CNTNAP5: variants seen among roughly 807,000 people sequenced by gnomAD.
CNTNAP5 encodes the protein contactin associated protein family member 5, also known as contactin-associated protein-like 5.
A neutral mutation model predicts 150.2 loss-of-function variants in CNTNAP5; 72 were observed. The observed-to-expected ratio is 0.48, with a 90% CI of 0.40 to 0.58. CNTNAP5 has a LOEUF of 0.58. CNTNAP5 is among the 20% of genes least tolerant of loss of function. The pLI, the probability that CNTNAP5 is intolerant of heterozygous loss-of-function variation, is 0.00. For synonymous variants in CNTNAP5, 672 were observed against 619.8 expected (o/e 1.08, Z -1.25); for missense variants, 1,636 against 1,626.2 (o/e 1.01, Z -0.10).
chr2:124,102,816 G>T (rs1487587562), intron 1 of CNTNAP5, among the ~76,000 whole-genome samples: 1 of 152,178 alleles, frequency 6.6e-6, no homozygotes, highest in Non-Finnish European at 1.5e-5. Flanking sequence ...GAGGATAAAT[G>T]AGCTGAATCA....
At chr2:124,245,028 A>AT (rs914464107) in intron 3 of CNTNAP5, among the ~76,000 whole-genome samples, 36 of 152,042 alleles carry the variant, frequency 2.4e-4, no homozygotes, top group African/African-American at 8.5e-4. Flanking sequence ...ACACTGATTT[A>AT]TTTTTTATTT....
intron 12 of CNTNAP5, among the ~76,000 whole-genome samples, chr2:124,611,517 T>C (rs191024697): frequency 2.0e-5 from 3 of 152,358 alleles, no homozygotes; most frequent in South Asian, 4.1e-4. Context: ...TGTCTTTTCA[T>C]GGTTGTGGTA....
chr2:124,401,807 G>A (rs984221739), intron 3 of CNTNAP5, among the ~76,000 whole-genome samples: 2 of 152,300 alleles, frequency 1.3e-5, no homozygotes, highest in East Asian at 1.9e-4. Context: ...TGAGGGTAGC[G>A]ATGCAGTAGC....
chr2:124,847,119 C>T (rs147922332), intron 19 of CNTNAP5, among the ~76,000 whole-genome samples: 196 of 152,274 alleles, frequency 1.3e-3, no homozygotes, highest in African/African-American at 4.6e-3. Context: ...GCATTCTTGC[C>T]TTAGGAACAC....
At chr2:124,630,817 A>G (rs1315904653) in intron 12 of CNTNAP5, among the ~76,000 whole-genome samples, 1 of 152,166 alleles carries the variant, frequency 6.6e-6, no homozygotes, top group East Asian at 1.9e-4. Context: ...TCCTGTATCT[A>G]GAAAACCCCA....
At chr2:124,855,758 GGT>G (rs1442884148) in intron 19 of CNTNAP5, among the ~76,000 whole-genome samples, 1 of 151,948 alleles carries the variant, frequency 6.6e-6, no homozygotes, top group Non-Finnish European at 1.5e-5. Flanking sequence ...GTTGGTATTT[GGT>G]TACATGAATA....
intron 3 of CNTNAP5, among the ~76,000 whole-genome samples, chr2:124,388,801 C>T (rs1573960896): frequency 2.0e-5 from 3 of 152,134 alleles, no homozygotes; most frequent in African/African-American, 4.8e-5. Context: ...CTGCCTCTGC[C>T]TCCCGAGTAG....
At chr2:124,832,015 AT>A (rs1271845458) in intron 19 of CNTNAP5, among the ~76,000 whole-genome samples, 3 of 152,044 alleles carry the variant, frequency 2.0e-5, no homozygotes, top group African/African-American at 7.2e-5. Flanking sequence ...TAAACCAACA[AT>A]ATTAAATTAG....
intron 13 of CNTNAP5, among the ~76,000 whole-genome samples, chr2:124,729,095 T>A (rs1680217604): frequency 6.6e-6 from 1 of 152,014 alleles, no homozygotes; most frequent in Non-Finnish European, 1.5e-5. Flanking sequence ...GTATCCCACC[T>A]GAGAAGTCAT....
At chr2:124,617,088 T>A (rs1057307638) in intron 12 of CNTNAP5, among the ~76,000 whole-genome samples, 1 of 151,850 alleles carries the variant, frequency 6.6e-6, no homozygotes, top group African/African-American at 2.4e-5. Context: ...ATAATAACGA[T>A]AATTATAATA....
At chr2:124,543,422 G>C (rs544786748) in intron 10 of CNTNAP5, among the ~76,000 whole-genome samples, 2 of 152,272 alleles carry the variant, frequency 1.3e-5, no homozygotes, top group Non-Finnish European at 2.9e-5. Context: ...AAGATCTGCT[G>C]AGTGTACCCT....
At chr2:124,194,109 T>C (rs1685519553) in intron 1 of CNTNAP5, among the ~76,000 whole-genome samples, 1 of 152,068 alleles carries the variant, frequency 6.6e-6, no homozygotes, top group African/African-American at 2.4e-5. Flanking sequence ...CAGAGCCCTT[T>C]ATGGGATCCA....
At chr2:124,481,453 T>C (rs1231052408) in intron 7 of CNTNAP5, among the ~76,000 whole-genome samples, 2 of 152,180 alleles carry the variant, frequency 1.3e-5, no homozygotes, top group African/African-American at 4.8e-5. Flanking sequence ...TCTGATAAAA[T>C]TATTATGTAA....
chr2:124,302,005 C>A (rs991151093), intron 3 of CNTNAP5, among the ~76,000 whole-genome samples: 9 of 152,116 alleles, frequency 5.9e-5, no homozygotes, highest in Admixed American at 5.9e-4. Context: ...GGACTGATGT[C>A]TTTGTAAGAA....
rs780455795 is a variant in CNTNAP5 at position 124,434,581 on chromosome 2, C to T, written c.627C>T (p.Phe209=). 39 of 1,613,940 alleles carry T rather than the reference C, an allele frequency of 2.4e-5. No individual in the cohort carries two copies. The East Asian group carries it at 8.5e-4, about 35-fold the overall frequency. The change falls in exon 5 of 24, where the codon TTC becomes TTT. Residue 209 remains phenylalanine (F), a synonymous_variant. Transcript: ENST00000682447. ...TCAAAGATGTGATCTCCCTGAAGTT[C>T]AAGAGCATGCAAGGAGATGGGGTCC... ...STLKDVISLK[F]KSMQGDGVLF... is the part of the protein sequence containing the mutation.
chr2:124,231,694 C>T (rs79103877), intron 2 of CNTNAP5, among the ~76,000 whole-genome samples: 2,297 of 152,178 alleles, frequency 0.015, 71 homozygotes, highest in African/African-American at 0.053. Flanking sequence ...TAACCTTGAC[C>T]TGGATATTTA....
intron 13 of CNTNAP5, among the ~76,000 whole-genome samples, chr2:124,670,717 G>A (rs13386176): frequency 0.23 from 34,525 of 150,844 alleles, 4,492 homozygotes; most frequent in African/African-American, 0.36. Flanking sequence ...TTGTTCCCCT[G>A]ATTGCAAATC....
chr2:124,873,019 C>G (rs7565957), intron 21 of CNTNAP5, among the ~76,000 whole-genome samples: 1 of 151,950 alleles, frequency 6.6e-6, no homozygotes, highest in East Asian at 1.9e-4. Context: ...TTTGGCATTG[C>G]CATAAATACT....
chr2:124,410,996 GA>G (rs1344337796), intron 3 of CNTNAP5, among the ~76,000 whole-genome samples: 2 of 151,638 alleles, frequency 1.3e-5, no homozygotes, highest in Non-Finnish European at 2.9e-5. Context: ...GACTAATAAA[GA>G]AAAAAAGAGA....
Sources: allele counts gnomAD v4.1 joint callset (sites outside exome capture counted in the v4.1 genomes callset), GRCh38; gene constraint gnomAD v4.1.1; transcripts MANE v1.5; gene names NCBI Gene and HGNC (gene_info 2026-07-23, HGNC 2026-07-21).